Variants in CEP128 observed in about 807,000 individuals in gnomAD.
CEP128 encodes centrosomal protein 128, also known as centrosomal protein 128kDa.
A neutral mutation model predicts 156.7 loss-of-function variants in CEP128; 132 were observed. That is an observed-to-expected ratio of 0.84 (90% CI 0.73 to 0.97). The LOEUF is 0.97. Ranked by LOEUF, CEP128 falls within the 50% of genes least tolerant of loss-of-function variation. The probability of loss-of-function intolerance (pLI) is 0.00; values close to 1 mark genes in which losing one functional copy is unlikely to be tolerated. For missense variants in CEP128, 1,252 were observed against 1,281.9 expected, an observed-to-expected ratio of 0.98 and a Z score of 0.36; for synonymous variants, 469 against 448.9, an observed-to-expected ratio of 1.04 and a Z score of -0.57.
intron 19 of CEP128, among the ~76,000 whole-genome samples, chr14:80,632,985 G>A (rs548804740): frequency 1.3e-5 from 2 of 152,174 alleles, no homozygotes; most frequent in South Asian, 2.1e-4. Flanking sequence ...CCAGTACTTC[G>A]GGAGGCTGGG....
intron 21 of CEP128, among the ~76,000 whole-genome samples, chr14:80,542,492 G>C (rs1026954835): frequency 1.3e-5 from 2 of 152,106 alleles, no homozygotes; most frequent in Admixed American, 6.6e-5. Flanking sequence ...AAACAGAACT[G>C]AAAGAAGAAT....
Position 80,729,058 on chromosome 14 carries a change from G to GTGTGTGTGT in CEP128, c.2806+14016_2806+14017insACACACACA, listed in dbSNP as rs1344457542. On this transcript the variant is annotated intron_variant, in intron 19 of 24. Coordinates refer to ENST00000555265, the MANE Select transcript of CEP128 (RefSeq NM_152446.5). ...CCTAGTCCCAGGCTGGGCTGGTGGGGGTGTGTGTGTGTGTGTGTGTGTGTG... is the reference window on the plus strand; with the variant it reads ...CCTAGTCCCAGGCTGGGCTGGTGGGGTGTGTGTGTGTGTGTGTGTGTGTGTGTGTGTGTG... 8.7e-3 allele frequency among the ~76,000 whole-genome samples: 912 copies of GTGTGTGTGT among 105,026 alleles called. 93 individuals are homozygous for GTGTGTGTGT. The highest frequency in any genetic ancestry group is 0.039 in the East Asian group (125 of 3,202). 68.9% of individuals were successfully genotyped at this position (105,026 alleles called of 152,430 possible). A position where few individuals can be genotyped will look rare whatever the true frequency, so the allele number is the denominator to read the frequency against.
At chr14:80,819,259 T>C (rs1885033722) in intron 13 of CEP128, among the ~76,000 whole-genome samples, 1 of 143,600 alleles carries the variant, frequency 7.0e-6, no homozygotes, top group Non-Finnish European at 1.5e-5. Flanking sequence ...TTTTTTTTTT[T>C]TTTTTGAGAT....
At chr14:80,923,216 C>T (rs907144684) in intron 2 of CEP128, among the ~76,000 whole-genome samples, 4 of 152,174 alleles carry the variant, frequency 2.6e-5, no homozygotes, top group Non-Finnish European at 5.9e-5. Flanking sequence ...ATACAGCCAC[C>T]AGAGCAAATA....
chr14:80,729,460 C>G (rs1365596660), intron 19 of CEP128, among the ~76,000 whole-genome samples: 2 of 151,998 alleles, frequency 1.3e-5, no homozygotes, highest in African/African-American at 4.8e-5. Flanking sequence ...TTTGCAATTG[C>G]AAATTGTGCT....
At chr14:80,554,448 C>T (rs1374742869) in intron 21 of CEP128, among the ~76,000 whole-genome samples, 1 of 152,028 alleles carries the variant, frequency 6.6e-6, no homozygotes, top group Non-Finnish European at 1.5e-5. Context: ...AAATTATCTG[C>T]CCCTAGAACA....
At chr14:80,599,074 T>G (rs1159356466) in intron 19 of CEP128, among the ~76,000 whole-genome samples, 1 of 152,166 alleles carries the variant, frequency 6.6e-6, no homozygotes, top group African/African-American at 2.4e-5. Context: ...TCTCTTATTA[T>G]TTCTTACTTC....
chr14:80,636,947 G>A (rs1173033563), intron 19 of CEP128, among the ~76,000 whole-genome samples: 7 of 152,004 alleles, frequency 4.6e-5, no homozygotes, highest in South Asian at 2.1e-4. Flanking sequence ...TTAGCCAGGC[G>A]TGGTGGCACA....
At chr14:80,517,492 T>C (rs1295444735) in intron 23 of CEP128, among the ~76,000 whole-genome samples, 2 of 152,258 alleles carry the variant, frequency 1.3e-5, no homozygotes, top group African/African-American at 4.8e-5. Context: ...CATGGATTAT[T>C]TGAAGTATCA....
intron 21 of CEP128, among the ~76,000 whole-genome samples, chr14:80,548,465 T>C (rs1261918564): frequency 1.3e-5 from 2 of 152,096 alleles, no homozygotes; most frequent in Non-Finnish European, 2.9e-5. Context: ...TATTTTATGG[T>C]TAAGTTAGGA....
intron 19 of CEP128, among the ~76,000 whole-genome samples, chr14:80,641,882 G>A (rs1228922932): frequency 6.6e-6 from 1 of 151,992 alleles, no homozygotes; most frequent in African/African-American, 2.4e-5. Context: ...GAGGTCAGGA[G>A]ATCGAGACCA....
chr14:80,718,756 A>G (rs1411043965), intron 19 of CEP128, among the ~76,000 whole-genome samples: 2 of 152,198 alleles, frequency 1.3e-5, no homozygotes, highest in African/African-American at 4.8e-5. Flanking sequence ...AGTTTAAACC[A>G]AAACAAGAGG....
Position 80,526,902 on chromosome 14 carries a change from T to C in CEP128, c.3039A>G (p.Gln1013=), listed in dbSNP as rs1170718644. Residue 1013 remains glutamine (Q), a synonymous_variant, in exon 23 of 25, where the codon CAA becomes CAG. Transcript: ENST00000555265. ...TTTTGGTTCTGTACTTGGTGTCATC[T>C]TGGTGATGCTGAAGAGAATTTCTGC... ...RVRRNSLQHH[Q]DDTKYRTKSF... 4 of 1,610,592 alleles carry C rather than the reference T, an allele frequency of 2.5e-6. No individual in the cohort carries two copies. The East Asian group carries it at 8.9e-5, about 36-fold the overall frequency.
chr14:80,666,683 T>C (rs1384760126), intron 19 of CEP128, among the ~76,000 whole-genome samples: 1 of 148,334 alleles, frequency 6.7e-6, no homozygotes. Context: ...AACAAAGTAC[T>C]GTCCTCACAA....
At chr14:80,951,447 T>C (rs1436546128) in intron 2 of CEP128, among the ~76,000 whole-genome samples, 3 of 152,098 alleles carry the variant, frequency 2.0e-5, no homozygotes, top group Non-Finnish European at 4.4e-5. Context: ...ATCAACTGAA[T>C]GTGGACTATG....
chr14:80,658,007 A>T (rs1895247570), intron 19 of CEP128, among the ~76,000 whole-genome samples: 1 of 95,566 alleles, frequency 1.0e-5, no homozygotes, highest in Admixed American at 9.1e-5. Context: ...TGACAGCGTT[A>T]AAAAAAAGTA....
intron 20 of CEP128, among the ~76,000 whole-genome samples, chr14:80,566,838 C>A (rs1259098205): frequency 7.1e-6 from 1 of 140,496 alleles, no homozygotes; most frequent in Non-Finnish European, 1.5e-5. Context: ...TAAAATAACA[C>A]AACACACATA....
chr14:80,640,048 T>C (rs1274436907), intron 19 of CEP128, among the ~76,000 whole-genome samples: 2 of 152,178 alleles, frequency 1.3e-5, no homozygotes, highest in Non-Finnish European at 2.9e-5. Flanking sequence ...CTCTGGAATA[T>C]GGAAAAATTC....
At chr14:80,712,358 A>G (rs1469198148) in intron 19 of CEP128, among the ~76,000 whole-genome samples, 1 of 152,116 alleles carries the variant, frequency 6.6e-6, no homozygotes, top group East Asian at 1.9e-4. Flanking sequence ...ATCTCACCCC[A>G]GGCTCCATCC....
Sources: allele counts gnomAD v4.1 joint callset (sites outside exome capture counted in the v4.1 genomes callset), GRCh38; gene constraint gnomAD v4.1.1; transcripts MANE v1.5; gene names NCBI Gene and HGNC (gene_info 2026-07-23, HGNC 2026-07-21).